Variants in P4HTM observed in about 807,000 individuals in gnomAD.
P4HTM encodes transmembrane prolyl 4-hydroxylase.
A neutral mutation model predicts 55.3 loss-of-function variants in P4HTM; 33 were observed. The ratio of observed to expected loss-of-function variants is 0.60; its 90% CI spans 0.45 to 0.80. The LOEUF (loss-of-function observed/expected upper bound fraction) is 0.80, where lower values mean the gene tolerates loss of function less well. Among genes scored for constraint, P4HTM ranks in the 30% least tolerant of loss-of-function variants. The pLI, the probability that P4HTM is intolerant of heterozygous loss-of-function variation, is 0.00. For missense variants in P4HTM, 542 were observed against 696.5 expected, an observed-to-expected ratio of 0.78 and a Z score of 2.50; for synonymous variants, 272 against 286.4, an observed-to-expected ratio of 0.95 and a Z score of 0.51.
At chr3:49,004,528 C>G (rs779387617) in intron 5 of P4HTM, 216 of 557,040 alleles carry the variant, frequency 3.9e-4, no homozygotes, top group South Asian at 2.9e-3. Context: ...TATCTTTGAC[C>G]CCTTATCTGA....
chr3:49,004,984 G>T lies in P4HTM; in HGVS notation c.1011G>T (p.Glu337Asp). 6.2e-7 allele frequency: 1 copy of T among 1,614,112 alleles called. No homozygotes were observed. The highest frequency in any genetic ancestry group is 1.1e-5 in the South Asian group (1 of 91,090). The change falls in exon 6 of 9, where the codon GAG (glutamate) becomes GAT (aspartate). Residue 337 changes from glutamate (E) to aspartate (D), a missense_variant. Glu to Asp is a conservative substitution (Grantham distance 45). Transcript: ENST00000383729. ...AHVDSGPVYP[E>D]TICSHTKLVA... Reference sequence around the variant, plus strand: ...TGGACAGTGGGCCTGTGTACCCAGAGACCATCTGCTCCCATACCAAGCTGG... The same window carrying T: ...TGGACAGTGGGCCTGTGTACCCAGATACCATCTGCTCCCATACCAAGCTGG...
Position 49,004,139 on chromosome 3 carries a change from G to T in P4HTM, c.766G>T (p.Asp256Tyr). ...GGAGTTCTCCAACATGGACCTTCGG[G>T]ACTTCCACAAGTACATGAGGAGCCA... ...LQEFSNMDLR[D>Y]FHKYMRSHKA... The change falls in exon 5 of 9, where the codon GAC becomes TAC. Residue 256 changes from aspartate to tyrosine, a missense_variant. Physicochemically the swap from Asp to Tyr is radical, Grantham distance 160. Coordinates refer to ENST00000383729, the MANE Select transcript of P4HTM (RefSeq NM_177939.3). The T allele has an allele frequency of 6.4e-7, 1 of 1,554,180 alleles. No individual in the cohort carries two copies. The highest frequency in any genetic ancestry group is 8.7e-7 in the Non-Finnish European group (1 of 1,149,214).
chr3:49,003,625 G>A (rs2092968105), intron 4 of P4HTM: 1 of 154,726 alleles, frequency 6.5e-6, no homozygotes, highest in Non-Finnish European at 1.4e-5. Context: ...GATGAAACCT[G>A]GGGTCATGAG....
rs1489468318 is a variant in P4HTM at position 48,999,816 on chromosome 3, TTTTC to T, written c.437-1614_437-1611del. ...TTTTCTTTTCTTTTTCTGGCTTCCT[TTTTC>T]TTTCTTTTTAAATTTTGTGTGTTAA... On this transcript the variant is annotated intron_variant, in intron 2 of 8. Coordinates refer to ENST00000383729, the MANE Select transcript of P4HTM (RefSeq NM_177939.3). This position sits in a 1 kb window ranked among gnomAD's most constrained non-coding sequence, Gnocchi z 4.8. The T allele has an allele frequency of 6.6e-6, 1 of 152,224 alleles. No homozygotes were observed. Among genetic ancestry groups the T allele is most frequent in the Non-Finnish European group, 1.5e-5 (1 of 68,048 alleles). The allele number at this position is 152,224 out of a possible 1,614,324, so 9.4% of individuals were successfully genotyped here.
intron 2 of P4HTM, chr3:49,001,151 G>A: frequency 2.1e-6 from 1 of 479,424 alleles, no homozygotes; most frequent in Non-Finnish European, 3.8e-6. Context: ...ACCCAAAGAT[G>A]GGTCAGCCCA....
chr3:49,006,024 T>TG, intron 7 of P4HTM, 40 bp from the exon 8 acceptor site: 2 of 1,592,268 alleles, frequency 1.3e-6, no homozygotes, highest in Non-Finnish European at 1.7e-6. Context: ...GGCCATAGAG[T>TG]GGGGACAGGT....
intron 5 of P4HTM, 137 bp from the exon 6 acceptor site, chr3:49,004,724 T>C: frequency 1.2e-6 from 1 of 817,304 alleles, no homozygotes; most frequent in Non-Finnish European, 2.0e-6. Context: ...ACAGGGCCAG[T>C]CTGAGATGGC....
chr3:48,990,555 A>G lies in P4HTM; in HGVS notation c.299A>G (p.Gln100Arg). Residue 100 changes from glutamine (Q) to arginine (R), a missense_variant, in exon 1 of 9, where the codon CAG becomes CGG. Around this residue, in one of 2 missense-constraint regions of P4HTM, gnomAD observed 536 missense variants for 672.1 expected, o/e 0.80. Transcript: ENST00000383729. This position sits in a 1 kb window ranked among gnomAD's most constrained non-coding sequence, Gnocchi z 7.2. ...GATCCCGGGCCCCAACACCGTGCCC[A>G]GGGCCCCGGGCCCGAGCCCACCTTA... Reference protein sequence around the residue: ...SSDPGPQHRAQGPGPEPTLGP... With the variant: ...SSDPGPQHRARGPGPEPTLGP... 3 of 1,609,170 alleles carry G rather than the reference A, an allele frequency of 1.9e-6. No homozygotes were observed. The African/African-American group carries it at 4.0e-5, about 22-fold the overall frequency.
chr3:49,007,023 C>G lies in P4HTM; in HGVS notation c.*116C>G. On this transcript the variant is annotated 3_prime_UTR_variant, in exon 9 of 9. Transcript: ENST00000383729. The surrounding 1 kb of genome is among the most constrained non-coding windows in gnomAD (Gnocchi z 5.1). ...GTCTGGCCAATGTCTTGCCCCACCC[C>G]GCCAGCCGCGATACGGCGCAGTTCC... is the stretch of plus-strand genomic sequence containing the variant. 1 of 835,850 alleles carries G rather than the reference C, an allele frequency of 1.2e-6. No homozygotes were observed. The highest frequency in any genetic ancestry group is 2.4e-5 in the Admixed American group (1 of 42,118). 51.8% of individuals were successfully genotyped at this position (835,850 alleles called of 1,614,324 possible).
At chr3:48,996,788 G>A (rs932422276) in intron 2 of P4HTM, among the ~76,000 whole-genome samples, 2 of 152,106 alleles carry the variant, frequency 1.3e-5, no homozygotes, top group Middle Eastern at 3.2e-3. Flanking sequence ...AAGTCTGTCC[G>A]GGGTTCGACA....
chr3:49,001,566 A>G lies in P4HTM; in HGVS notation c.565A>G (p.Ser189Gly), dbSNP rs1175771149. The change falls in exon 3 of 9, where the codon AGC becomes GGC. Residue 189 changes from serine to glycine, a missense_variant. Transcript: ENST00000383729. Reference protein sequence around the residue: ...YEEAMSTMQVSQLDLFRLLDQ... With the variant: ...YEEAMSTMQVGQLDLFRLLDQ... Reference sequence around the variant, plus strand: ...AGAGGCAATGAGCACTATGCAGGTCAGCCAGCTGGACCTCTTCCGGCTGCT... The same window carrying G: ...AGAGGCAATGAGCACTATGCAGGTCGGCCAGCTGGACCTCTTCCGGCTGCT... The G allele has an allele frequency of 6.2e-7, 1 of 1,613,800 alleles. No homozygotes were observed. Among genetic ancestry groups the G allele is most frequent in the Non-Finnish European group, 8.5e-7 (1 of 1,179,970 alleles).
intron 2 of P4HTM, among the ~76,000 whole-genome samples, chr3:48,998,600 C>A (rs2092952884): frequency 6.6e-6 from 1 of 152,210 alleles, no homozygotes; most frequent in Non-Finnish European, 1.5e-5. Context: ...GTGCACCTCT[C>A]CCTCCGGCTC....
Position 49,001,509 on chromosome 3 carries a change from C to T in P4HTM, c.508C>T (p.Arg170Cys), listed in dbSNP as rs768160824. The change falls in exon 3 of 9, where the codon CGC becomes TGC. Residue 170 changes from arginine (R) to cysteine (C), a missense_variant. Coordinates refer to ENST00000383729, the MANE Select transcript of P4HTM (RefSeq NM_177939.3). ...IHLAQMKGLQ[R>C]SQILPTEEYE... Reference sequence around the variant, plus strand: ...TCTGGCGCAGATGAAGGGGTTACAGCGCAGCCAGATCCTGCCTACTGAAGA... The same window carrying T: ...TCTGGCGCAGATGAAGGGGTTACAGTGCAGCCAGATCCTGCCTACTGAAGA... 2.5e-6 allele frequency: 4 copies of T among 1,613,862 alleles called. No homozygotes were observed. The highest frequency in any genetic ancestry group is 1.3e-5 in the African/African-American group (1 of 75,036).
intron 2 of P4HTM, among the ~76,000 whole-genome samples, chr3:48,994,258 T>G (rs997738169): frequency 1.3e-5 from 2 of 152,216 alleles, no homozygotes; most frequent in African/African-American, 4.8e-5. Flanking sequence ...CTATAGATTC[T>G]GCCCCCTCTG....
chr3:48,991,100 T>TC, intron 2 of P4HTM, 186 bp downstream of exon 2: 1 of 575,284 alleles, frequency 1.7e-6, no homozygotes, highest in East Asian at 2.9e-5. Context: ...TTATCCCAAC[T>TC]CCCTGCAGTC....
intron 2 of P4HTM, among the ~76,000 whole-genome samples, chr3:49,000,363 A>C (rs1465949237): frequency 6.6e-6 from 1 of 152,148 alleles, no homozygotes; most frequent in Admixed American, 6.5e-5. Flanking sequence ...CAGCCTGGGC[A>C]ATATAGGGAG....
intron 6 of P4HTM, 142 bp downstream of exon 6, chr3:49,005,188 C>T (rs753163232): frequency 1.3e-6 from 2 of 1,587,032 alleles, no homozygotes; most frequent in South Asian, 1.1e-5. Context: ...ATGCCCTCAC[C>T]TCTCCCCACA....
At position 48,990,553 on chromosome 3, in the gene P4HTM, C is replaced by T; in HGVS notation, c.297C>T (p.Ala99=). The T allele has an allele frequency of 6.2e-7, 1 of 1,609,908 alleles. No individual in the cohort carries two copies. The highest frequency in any genetic ancestry group is 8.5e-7 in the Non-Finnish European group (1 of 1,178,966). ...ESSDPGPQHR[A]QGPGPEPTLG... ...GCGATCCCGGGCCCCAACACCGTGC[C>T]CAGGGCCCCGGGCCCGAGCCCACCT... is the stretch of plus-strand genomic sequence containing the variant. Residue 99 remains alanine (A), a synonymous_variant, in exon 1 of 9, where the codon GCC becomes GCT. Transcript: ENST00000383729. This position sits in a 1 kb window ranked among gnomAD's most constrained non-coding sequence, Gnocchi z 7.2.
intron 2 of P4HTM, among the ~76,000 whole-genome samples, chr3:48,993,104 G>A (rs572412308): frequency 6.6e-6 from 1 of 151,926 alleles, no homozygotes; most frequent in African/African-American, 2.4e-5. Context: ...AGGTTGTTCG[G>A]GACCAGCCTG....
Sources: gnomAD v4.1 joint callset for allele counts (sites outside exome capture counted in the v4.1 genomes callset) on GRCh38, gnomAD v4.1.1 for gene constraint, gnomAD v4.1.1 regional missense constraint, Gnocchi (gnomAD v3.1) non-coding constraint, MANE v1.5 for transcripts, NCBI Gene and HGNC (gene_info 2026-07-23, HGNC 2026-07-21) for gene names.